Variants in IQCM observed in about 807,000 individuals in gnomAD.
IQCM encodes the protein IQ motif containing M, also known as IQ domain-containing protein M.
A neutral mutation model predicts 57.6 loss-of-function variants in IQCM; 45 were observed. The observed-to-expected ratio is 0.78, with a 90% CI of 0.62 to 1.00. IQCM has a LOEUF of 1.00. IQCM is among the 50% of genes least tolerant of loss of function. The pLI, the probability that IQCM is intolerant of heterozygous loss-of-function variation, is 0.00. For synonymous variants in IQCM, 148 were observed against 158.9 expected (o/e 0.93, Z 0.51); for missense variants, 468 against 511.6 (o/e 0.91, Z 0.82).
chr4:149,557,164 C>T (rs1379917242), intron 10 of IQCM, among the ~76,000 whole-genome samples: 2 of 152,064 alleles, frequency 1.3e-5, no homozygotes, highest in African/African-American at 4.8e-5. Flanking sequence ...GCTCTATTAG[C>T]GTCAGGTGGG....
At chr4:149,450,634 A>G (rs561900724) in intron 12 of IQCM, among the ~76,000 whole-genome samples, 31 of 151,908 alleles carry the variant, frequency 2.0e-4, no homozygotes, top group Non-Finnish European at 4.0e-4. Flanking sequence ...ATCATCAGAG[A>G]AATGTAAATC....
intron 2 of IQCM, among the ~76,000 whole-genome samples, chr4:149,784,137 A>C (rs148267545): frequency 1.3e-4 from 20 of 152,186 alleles, no homozygotes; most frequent in African/African-American, 4.6e-4. Context: ...TAGAAAACTA[A>C]TATTTCCTCC....
chr4:149,399,752 T>C (rs1028204958), intron 13 of IQCM, among the ~76,000 whole-genome samples: 2 of 152,094 alleles, frequency 1.3e-5, no homozygotes, highest in Admixed American at 6.6e-5. Context: ...GTGTCTCAGT[T>C]TCCTCATTTG....
At chr4:149,648,880 T>C (rs1021526928) in intron 7 of IQCM, among the ~76,000 whole-genome samples, 2 of 151,208 alleles carry the variant, frequency 1.3e-5, no homozygotes, top group Admixed American at 1.3e-4. Context: ...ACATGTACCC[T>C]AAAACTTAAA....
intron 7 of IQCM, among the ~76,000 whole-genome samples, chr4:149,644,768 C>T (rs918137598): frequency 6.6e-6 from 1 of 152,154 alleles, no homozygotes; most frequent in Non-Finnish European, 1.5e-5. Context: ...GGCCTCATTC[C>T]AGACCTACTG....
intron 2 of IQCM, among the ~76,000 whole-genome samples, chr4:149,791,512 T>A (rs1431945292): frequency 1.3e-5 from 2 of 152,152 alleles, no homozygotes; most frequent in Non-Finnish European, 2.9e-5. Context: ...TACCAAACAT[T>A]AGATCATACT....
chr4:149,721,764 G>A (rs1038759877), intron 5 of IQCM, among the ~76,000 whole-genome samples: 1 of 152,014 alleles, frequency 6.6e-6, no homozygotes, highest in Admixed American at 6.6e-5. Flanking sequence ...GTGCATGTAG[G>A]TGTCTTCTTT....
intron 13 of IQCM, among the ~76,000 whole-genome samples, chr4:149,432,430 A>G (rs187460089): frequency 3.2e-4 from 49 of 152,102 alleles, no homozygotes; most frequent in Non-Finnish European, 5.3e-4. Context: ...CCTCTGTTGG[A>G]AAGTTTGTGA....
chr4:149,636,499 A>T (rs1757726505), intron 7 of IQCM, among the ~76,000 whole-genome samples: 1 of 152,104 alleles, frequency 6.6e-6, no homozygotes, highest in Admixed American at 6.6e-5. Context: ...TTGGAAGTGG[A>T]GCAGAAGAAC....
At chr4:149,782,895 T>C (rs1284030070) in intron 2 of IQCM, among the ~76,000 whole-genome samples, 7 of 152,202 alleles carry the variant, frequency 4.6e-5, no homozygotes, top group Non-Finnish European at 1.0e-4. Context: ...CCACCCTCAC[T>C]GGACACTCCT....
chr4:149,426,826 A>G (rs1279264202), intron 13 of IQCM, among the ~76,000 whole-genome samples: 2 of 152,020 alleles, frequency 1.3e-5, no homozygotes, highest in African/African-American at 4.8e-5. Context: ...AGTACCTGCT[A>G]TATTCTATTG....
intron 12 of IQCM, among the ~76,000 whole-genome samples, chr4:149,434,115 T>C (rs1277740096): frequency 6.6e-6 from 1 of 152,100 alleles, no homozygotes; most frequent in Non-Finnish European, 1.5e-5. Context: ...TATTTAATTT[T>C]CATAACATAC....
chr4:149,763,773 G>C (rs987991721), intron 2 of IQCM, among the ~76,000 whole-genome samples: 2 of 151,772 alleles, frequency 1.3e-5, no homozygotes, highest in African/African-American at 4.8e-5. Context: ...TTAATCTTTG[G>C]GCATGCTGCT....
At chr4:149,449,190 C>A (rs1231396442) in intron 12 of IQCM, among the ~76,000 whole-genome samples, 1 of 142,036 alleles carries the variant, frequency 7.0e-6, no homozygotes, top group African/African-American at 2.6e-5. Flanking sequence ...CCCGCCACCC[C>A]CCACCACAAG....
chr4:149,579,073 G>A (rs1751928321), intron 9 of IQCM, among the ~76,000 whole-genome samples: 1 of 151,794 alleles, frequency 6.6e-6, no homozygotes, highest in Non-Finnish European at 1.5e-5. Flanking sequence ...TTGAAGAAGA[G>A]AACTTATGTG....
chr4:149,631,754 C>T (rs982842161), intron 7 of IQCM, among the ~76,000 whole-genome samples: 3 of 152,190 alleles, frequency 2.0e-5, no homozygotes, highest in African/African-American at 7.2e-5. Context: ...ACCTGACTCA[C>T]ATACTGCCAC....
intron 12 of IQCM, among the ~76,000 whole-genome samples, chr4:149,457,405 A>T (rs1040058769): frequency 1.3e-5 from 2 of 152,098 alleles, no homozygotes; most frequent in Non-Finnish European, 2.9e-5. Context: ...CAAAAGTAGA[A>T]GAGATAAACT....
chr4:149,778,145 G>T (rs1175283691), intron 2 of IQCM, among the ~76,000 whole-genome samples: 1 of 152,226 alleles, frequency 6.6e-6, no homozygotes, highest in African/African-American at 2.4e-5. Context: ...GGGAGGCCAA[G>T]GCGGGTGGAT....
At chr4:149,459,145 A>G (rs1205435071) in intron 12 of IQCM, among the ~76,000 whole-genome samples, 1 of 152,236 alleles carries the variant, frequency 6.6e-6, no homozygotes, top group Non-Finnish European at 1.5e-5. Flanking sequence ...AGGTTATGGT[A>G]TGATCACATA....
Sources: allele counts gnomAD v4.1 joint callset (sites outside exome capture counted in the v4.1 genomes callset), GRCh38; gene constraint gnomAD v4.1.1; transcripts MANE v1.5; gene names NCBI Gene and HGNC (gene_info 2026-07-23, HGNC 2026-07-21).